SLC24A2: variants seen among roughly 807,000 people sequenced by gnomAD.
SLC24A2 encodes the protein solute carrier family 24 member 2.
In SLC24A2, 36 loss-of-function variants were observed where a neutral mutation model predicts 62.0. That is an observed-to-expected ratio of 0.58 (90% CI 0.44 to 0.77). SLC24A2 has a LOEUF of 0.77. Ranked by LOEUF, SLC24A2 falls within the 30% of genes least tolerant of loss-of-function variation. SLC24A2 has a pLI of 0.00. For synonymous variants in SLC24A2, 358 were observed against 294.0 expected (o/e 1.22, Z -2.23); for missense variants, 846 against 817.9 (o/e 1.03, Z -0.42).
At chr9:19,729,863 G>A (rs1340754065) in intron 2 of SLC24A2, among the ~76,000 whole-genome samples, 2 of 151,938 alleles carry the variant, frequency 1.3e-5, no homozygotes, top group East Asian at 1.9e-4. Context: ...GCTAGAAGAA[G>A]GATATTAGAC....
the SLC24A2 span, among the ~76,000 whole-genome samples, chr9:20,001,990 A>G: frequency 2.0e-5 from 3 of 152,302 alleles, no homozygotes; most frequent in African/African-American, 4.8e-5. Context: ...CAGCATTTCT[A>G]AAATTTATTT....
intron 8 of SLC24A2, among the ~76,000 whole-genome samples, chr9:19,543,249 G>C (rs1834370147): frequency 6.6e-6 from 1 of 152,158 alleles, no homozygotes; most frequent in Non-Finnish European, 1.5e-5. Context: ...ATGGTAGTTT[G>C]TATTTCTGTG....
intron 2 of SLC24A2, among the ~76,000 whole-genome samples, chr9:19,760,045 A>G (rs1165293340): frequency 6.6e-6 from 1 of 152,138 alleles, no homozygotes; most frequent in Non-Finnish European, 1.5e-5. Context: ...GATGATTTTC[A>G]ATATTCACCA....
intron 5 of SLC24A2, among the ~76,000 whole-genome samples, chr9:19,591,627 G>A (rs1836555217): frequency 6.6e-6 from 1 of 152,166 alleles, no homozygotes; most frequent in Non-Finnish European, 1.5e-5. Flanking sequence ...ATACAGACGT[G>A]ATGGCCAGAG....
the SLC24A2 span, among the ~76,000 whole-genome samples, chr9:19,879,328 C>A: frequency 6.6e-6 from 1 of 152,040 alleles, no homozygotes; most frequent in African/African-American, 2.4e-5. Flanking sequence ...CTGCAAAGAG[C>A]TATTTTATAG....
the SLC24A2 span, among the ~76,000 whole-genome samples, chr9:20,085,995 G>A: frequency 6.6e-6 from 1 of 152,072 alleles, no homozygotes; most frequent in South Asian, 2.1e-4. Context: ...TTTCTGCCCA[G>A]AAAGATCCAT....
At chr9:20,090,482 T>C in the SLC24A2 span, among the ~76,000 whole-genome samples, 1 of 152,050 alleles carries the variant, frequency 6.6e-6, no homozygotes, top group African/African-American at 2.4e-5. Flanking sequence ...TGAAGAAATA[T>C]AGGGGTATAG....
At chr9:20,163,819 G>A in the SLC24A2 span, among the ~76,000 whole-genome samples, 2 of 151,924 alleles carry the variant, frequency 1.3e-5, no homozygotes, top group African/African-American at 2.4e-5. Flanking sequence ...GCCCTCAGAA[G>A]TAACGCCGCA....
At chr9:19,689,858 T>C (rs1052668792) in intron 2 of SLC24A2, among the ~76,000 whole-genome samples, 3 of 152,128 alleles carry the variant, frequency 2.0e-5, no homozygotes, top group Admixed American at 2.0e-4. Context: ...TGTAAGGGTG[T>C]TTCTGCAAGA....
chr9:20,059,720 A>G, the SLC24A2 span, among the ~76,000 whole-genome samples: 1 of 152,126 alleles, frequency 6.6e-6, no homozygotes, highest in Admixed American at 6.6e-5. Flanking sequence ...TCGCAAATTG[A>G]GAACCCTATT....
At chr9:19,558,605 C>T (rs112250169) in intron 7 of SLC24A2, among the ~76,000 whole-genome samples, 1 of 152,154 alleles carries the variant, frequency 6.6e-6, no homozygotes, top group African/African-American at 2.4e-5. Context: ...CCCTTTATAA[C>T]AATAAACTTT....
chr9:20,200,577 G>A, the SLC24A2 span, among the ~76,000 whole-genome samples: 1 of 152,190 alleles, frequency 6.6e-6, no homozygotes, highest in Admixed American at 6.5e-5. Context: ...TCAACTCATT[G>A]GGCTTAAAAC....
intron 4 of SLC24A2, among the ~76,000 whole-genome samples, chr9:19,607,666 C>T (rs1837028425): frequency 6.7e-6 from 1 of 148,752 alleles, no homozygotes; most frequent in African/African-American, 2.5e-5. Flanking sequence ...TGGCAGTGAG[C>T]CAAGATCGTG....
the SLC24A2 span, among the ~76,000 whole-genome samples, chr9:20,229,151 A>G: frequency 1.3e-5 from 2 of 152,150 alleles, no homozygotes; most frequent in Non-Finnish European, 1.5e-5. Context: ...ATCACAGCTC[A>G]TCACTTTCCT....
intron 2 of SLC24A2, among the ~76,000 whole-genome samples, chr9:19,662,212 C>G (rs754030516): frequency 6.6e-6 from 1 of 152,296 alleles, no homozygotes; most frequent in South Asian, 2.1e-4. Context: ...AATATAGCCA[C>G]ATTATTATTG....
chr9:19,812,570 T>C, the SLC24A2 span, among the ~76,000 whole-genome samples: 1 of 152,188 alleles, frequency 6.6e-6, no homozygotes. Flanking sequence ...TTGTCTGTTT[T>C]CTCTAACATA....
At chr9:19,970,274 A>G in the SLC24A2 span, among the ~76,000 whole-genome samples, 13 of 152,188 alleles carry the variant, frequency 8.5e-5, no homozygotes, top group African/African-American at 2.4e-4. Context: ...CCACAAAGTC[A>G]CTAACTGGAG....
At chr9:19,905,462 G>A in the SLC24A2 span, among the ~76,000 whole-genome samples, 261 of 149,740 alleles carry the variant, frequency 1.7e-3, no homozygotes, top group African/African-American at 6.0e-3. Flanking sequence ...AGGCTGGAGT[G>A]CAATGGTGTG....
the SLC24A2 span, among the ~76,000 whole-genome samples, chr9:19,942,833 G>A: frequency 1.1e-4 from 16 of 152,260 alleles, no homozygotes; most frequent in African/African-American, 3.9e-4. Context: ...AGTCGTGGAT[G>A]TTTATTGTGT....
Sources: gnomAD v4.1 joint callset for allele counts (sites outside exome capture counted in the v4.1 genomes callset) on GRCh38, gnomAD v4.1.1 for gene constraint, MANE v1.5 for transcripts, NCBI Gene and HGNC (gene_info 2026-07-23, HGNC 2026-07-21) for gene names.